BLMH: variants seen among roughly 807,000 people sequenced by gnomAD.
BLMH encodes bleomycin hydrolase.
In BLMH, 32 loss-of-function variants were observed where a neutral mutation model predicts 61.6. The observed-to-expected ratio is 0.52, with a 90% CI of 0.39 to 0.70. The LOEUF (loss-of-function observed/expected upper bound fraction) is 0.70, where lower values mean the gene tolerates loss of function less well. BLMH is among the 30% of genes least tolerant of loss of function. The probability of loss-of-function intolerance (pLI) is 0.00; values close to 1 mark genes in which losing one functional copy is unlikely to be tolerated. For missense variants in BLMH, 460 were observed against 555.5 expected (o/e 0.83, Z 1.73); for synonymous variants, 183 against 193.8 (o/e 0.94, Z 0.46).
intron 11 of BLMH, among the ~76,000 whole-genome samples, chr17:30,256,916 C>G (rs1362977191): frequency 6.6e-6 from 1 of 152,146 alleles, no homozygotes; most frequent in Non-Finnish European, 1.5e-5. Context: ...TGAAGCATGA[C>G]CTAATACCTC....
chr17:30,291,890 G>C lies in BLMH; in HGVS notation c.-71C>G. ...TGGGCGAGCGCCGGGATTGCGCTGC[G>C]GCTCGCTGCCTAGGGGGCCCGACCT... is the stretch of plus-strand genomic sequence containing the variant. On this transcript the variant is annotated 5_prime_UTR_variant, in exon 1 of 12. Transcript: ENST00000261714. 9 of 1,271,358 alleles carry C rather than the reference G, an allele frequency of 7.1e-6. No individual in the cohort carries two copies. The highest frequency in any genetic ancestry group is 8.9e-6 in the Non-Finnish European group (9 of 1,009,848). 78.8% of individuals were successfully genotyped at this position (1,271,358 alleles called of 1,614,324 possible). A position where few individuals can be genotyped will look rare whatever the true frequency, so the allele number is the denominator to read the frequency against.
chr17:30,254,091 T>G (rs1038037705), intron 11 of BLMH, among the ~76,000 whole-genome samples: 1 of 152,192 alleles, frequency 6.6e-6, no homozygotes, highest in Non-Finnish European at 1.5e-5. Flanking sequence ...AATGTAAGAT[T>G]TAAGCCTTTC....
At chr17:30,280,279 T>C (rs1029357526) in intron 6 of BLMH, among the ~76,000 whole-genome samples, 5 of 152,212 alleles carry the variant, frequency 3.3e-5, no homozygotes, top group Non-Finnish European at 1.5e-5. Flanking sequence ...TATCTGTGTC[T>C]AATTTTACCT....
chr17:30,269,239 G>A (rs183272031), intron 10 of BLMH, among the ~76,000 whole-genome samples: 1,549 of 144,598 alleles, frequency 0.011, 24 homozygotes, highest in African/African-American at 0.038. Flanking sequence ...GTGCAGTGGT[G>A]CAATCTTGTC....
chr17:30,273,838 G>C, intron 7 of BLMH: 1 of 628,696 alleles, frequency 1.6e-6, no homozygotes, highest in Middle Eastern at 4.0e-4. Context: ...AGTCTCTGAA[G>C]AGGAACATTG....
intron 1 of BLMH, 37 bp downstream of exon 1, chr17:30,291,770 C>T: frequency 7.1e-7 from 1 of 1,412,554 alleles, no homozygotes. Context: ...CGCGGAGCTC[C>T]TCCAGAGGAC....
At chr17:30,274,929 T>C (rs954365814) in intron 6 of BLMH, among the ~76,000 whole-genome samples, 2 of 147,894 alleles carry the variant, frequency 1.4e-5, no homozygotes, top group Non-Finnish European at 3.0e-5. Flanking sequence ...CAGTGAGCCA[T>C]GATCGTGCCA....
At chr17:30,265,783 T>C (rs766288075) in intron 11 of BLMH, among the ~76,000 whole-genome samples, 1 of 152,158 alleles carries the variant, frequency 6.6e-6, no homozygotes, top group Admixed American at 6.5e-5. Context: ...ATCTACATGC[T>C]CACAGGTACA....
Position 30,288,086 on chromosome 17 carries a change from T to C in BLMH, c.322-139A>G, listed in dbSNP as rs1176541330. 3.3e-6 allele frequency: 3 copies of C among 904,922 alleles called. No individual in the cohort carries two copies. The East Asian group carries it at 8.2e-5, about 25-fold the overall frequency. 56.1% of individuals were successfully genotyped at this position (904,922 alleles called of 1,614,324 possible). ...TTTTTCTTTTTAAAAACATGAAACC[T>C]TCATGAATTTGCATGTCATCCTTGT... On this transcript the variant is annotated intron_variant, in intron 3 of 11. Transcript: ENST00000261714.
intron 11 of BLMH, chr17:30,249,505 G>T: frequency 4.3e-6 from 1 of 233,728 alleles, no homozygotes; most frequent in Non-Finnish European, 8.4e-6. Flanking sequence ...GATGGTGAGT[G>T]ATGACCTGTA....
chr17:30,286,335 T>G (rs889090436), intron 5 of BLMH, among the ~76,000 whole-genome samples: 1 of 152,166 alleles, frequency 6.6e-6, no homozygotes, highest in Non-Finnish European at 1.5e-5. Flanking sequence ...CTGAAGCAAA[T>G]AAAAAGCAGT....
chr17:30,289,359 G>T lies in BLMH; in HGVS notation c.321+14C>A. 6.5e-7 allele frequency: 1 copy of T among 1,530,190 alleles called. No individual in the cohort carries two copies. The highest frequency in any genetic ancestry group is 9.0e-7 in the Non-Finnish European group (1 of 1,112,534). The allele number at this position is 1,530,190 out of a possible 1,614,324, so 94.8% of individuals were successfully genotyped here. On this transcript the variant is annotated intron_variant, in intron 3 of 11. Coordinates refer to ENST00000261714, the MANE Select transcript of BLMH (RefSeq NM_000386.4). ...TATCAATACAAAAAGAATCTTGCCA[G>T]ATCTGTCCCATACCTTGTCCCAAAA...
chr17:30,266,951 C>A lies in BLMH; in HGVS notation c.1150G>T (p.Asp384Tyr), dbSNP rs141184460. The part of the protein sequence containing the change: ...MTFTAVSEKD[D>Y]QDGAFTKWRV... ...CATTTTGTGAAAGCACCATCCTGAT[C>A]ATCCTGCAAAAAAGTGGATGATGGT... Residue 384 changes from aspartate to tyrosine, a missense_variant, in exon 11 of 12, where the codon GAT becomes TAT. By Grantham distance (160) the Asp-to-Tyr change is radical (BLOSUM62 -3). Transcript: ENST00000261714. 15 of 1,613,882 alleles carry A rather than the reference C, an allele frequency of 9.3e-6. No individual in the cohort carries two copies. The African/African-American group carries it at 1.6e-4, about 17-fold the overall frequency.
intron 2 of BLMH, among the ~76,000 whole-genome samples, 178 bp from the exon 3 acceptor site, chr17:30,289,660 T>C (rs1180951301): frequency 2.0e-5 from 3 of 152,198 alleles, no homozygotes; most frequent in Admixed American, 1.3e-4. Context: ...TAGCAATATA[T>C]ATGCAAAGGT....
chr17:30,284,136 G>A (rs1040122422), intron 6 of BLMH, among the ~76,000 whole-genome samples: 3 of 152,170 alleles, frequency 2.0e-5, no homozygotes, highest in Non-Finnish European at 4.4e-5. Flanking sequence ...ATACTAAGAT[G>A]CCTCTCTTCT....
intron 10 of BLMH, among the ~76,000 whole-genome samples, chr17:30,267,995 C>T (rs943192418): frequency 3.9e-5 from 6 of 152,160 alleles, no homozygotes; most frequent in Non-Finnish European, 7.3e-5. Context: ...TCACAAATAG[C>T]GCCAACAAAC....
At chr17:30,286,047 C>T (rs1331299981) in intron 5 of BLMH, among the ~76,000 whole-genome samples, 1 of 152,158 alleles carries the variant, frequency 6.6e-6, no homozygotes, top group Non-Finnish European at 1.5e-5. Flanking sequence ...TATTAATGAT[C>T]TTTTAGCCTT....
intron 11 of BLMH, among the ~76,000 whole-genome samples, chr17:30,263,870 T>C (rs932316763): frequency 6.6e-6 from 1 of 152,152 alleles, no homozygotes; most frequent in Non-Finnish European, 1.5e-5. Context: ...CCAAAGAGAA[T>C]AGCAACAAAC....
intron 6 of BLMH, among the ~76,000 whole-genome samples, chr17:30,274,507 A>C (rs963487067): frequency 2.6e-5 from 4 of 152,238 alleles, no homozygotes; most frequent in Non-Finnish European, 5.9e-5. Flanking sequence ...ATTGATACCC[A>C]GCAAGATCTG....
Sources: allele counts gnomAD v4.1 joint callset (sites outside exome capture counted in the v4.1 genomes callset), GRCh38; gene constraint gnomAD v4.1.1; transcripts MANE v1.5; gene names NCBI Gene and HGNC (gene_info 2026-07-23, HGNC 2026-07-21).